NRG3: variants seen among roughly 807,000 people sequenced by gnomAD.
NRG3 encodes the protein pro-neuregulin-3, membrane-bound isoform.
A neutral mutation model predicts 66.9 loss-of-function variants in NRG3; 31 were observed. The observed-to-expected ratio is 0.46, with a 90% CI of 0.35 to 0.63. The LOEUF (loss-of-function observed/expected upper bound fraction) is 0.63. Ranked by LOEUF, NRG3 falls within the 20% of genes least tolerant of loss-of-function variation. The pLI is 0.00. For missense variants in NRG3, 910 were observed against 878.9 expected (o/e 1.04, Z -0.45); for synonymous variants, 393 against 359.4 (o/e 1.09, Z -1.06).
chr10:81,935,663 G>C (rs1847786464), intron 1 of NRG3, among the ~76,000 whole-genome samples: 1 of 152,052 alleles, frequency 6.6e-6, no homozygotes, highest in Admixed American at 6.6e-5. Context: ...CAGAAGGATT[G>C]AGCACTTTCT....
intron 1 of NRG3, among the ~76,000 whole-genome samples, chr10:81,984,587 T>G (rs763440250): frequency 2.6e-5 from 4 of 152,202 alleles, no homozygotes; most frequent in Non-Finnish European, 5.9e-5. Flanking sequence ...CCTCATGAGC[T>G]TCTGTCCTGT....
chr10:81,917,657 G>C (rs773541300), intron 1 of NRG3, among the ~76,000 whole-genome samples: 1 of 152,206 alleles, frequency 6.6e-6, no homozygotes, highest in Non-Finnish European at 1.5e-5. Context: ...AAATAGTCAT[G>C]TACTTGAAAT....
intron 2 of NRG3, among the ~76,000 whole-genome samples, chr10:82,650,743 T>A (rs910025897): frequency 1.3e-5 from 2 of 152,228 alleles, no homozygotes; most frequent in Admixed American, 6.5e-5. Context: ...AACTTCCACA[T>A]CATCACGTAA....
intron 4 of NRG3, among the ~76,000 whole-genome samples, chr10:82,886,309 A>G (rs1842721208): frequency 2.0e-5 from 3 of 152,104 alleles, no homozygotes; most frequent in Admixed American, 2.0e-4. Flanking sequence ...TATCTTTTAC[A>G]AAGGCACTTC....
intron 4 of NRG3, among the ~76,000 whole-genome samples, chr10:82,904,335 T>C (rs2131907274): frequency 6.6e-6 from 1 of 152,298 alleles, no homozygotes; most frequent in Non-Finnish European, 1.5e-5. Context: ...TAAGAGATGG[T>C]GGCATGGTAA....
chr10:81,913,519 G>C (rs890747518), intron 1 of NRG3, among the ~76,000 whole-genome samples: 1 of 151,886 alleles, frequency 6.6e-6, no homozygotes, highest in Non-Finnish European at 1.5e-5. Context: ...TGCCTCCCGG[G>C]TTCAAGTGAT....
chr10:82,047,435 G>T lies in NRG3; in HGVS notation c.823+171272G>T, dbSNP rs190716367. Among the ~76,000 whole-genome samples, 372 of 152,094 alleles carry T rather than the reference G, an allele frequency of 2.4e-3. 1 individual carries two copies. The highest frequency in any genetic ancestry group is 8.2e-3 in the African/African-American group (341 of 41,510). ...ACCTCTACAAGCCAGAAGAGAGTGG[G>T]GGACAATATTCAACATTCTTAAAGG... is the stretch of plus-strand genomic sequence containing the variant. On this transcript the variant is annotated intron_variant, in intron 1 of 8. Coordinates refer to ENST00000372141, the MANE Select transcript of NRG3 (RefSeq NM_001010848.4).
chr10:82,513,243 A>G (rs1460314278), intron 2 of NRG3, among the ~76,000 whole-genome samples: 3 of 152,274 alleles, frequency 2.0e-5, no homozygotes, highest in African/African-American at 7.2e-5. Flanking sequence ...TGCTGAGGAT[A>G]ATGGCTTCCA....
At chr10:82,272,932 C>G (rs1779234162) in intron 1 of NRG3, among the ~76,000 whole-genome samples, 1 of 151,988 alleles carries the variant, frequency 6.6e-6, no homozygotes, top group Non-Finnish European at 1.5e-5. Context: ...TAATTCGTTC[C>G]AGTTCTTGGG....
At position 81,975,351 on chromosome 10, in the gene NRG3, A is replaced by ATCTATCTG. The variant is rs1414053007; in HGVS notation, c.823+99195_823+99196insGTCTATCT. ...TATCTATCTATCTATCTATCTATCT[A>ATCTATCTG]TCTATCTATCTATCTATCTATCTAT... On this transcript the variant is annotated intron_variant, in intron 1 of 8. Coordinates refer to ENST00000372141, the MANE Select transcript of NRG3 (RefSeq NM_001010848.4). 3.3e-5 allele frequency among the ~76,000 whole-genome samples: 5 copies of ATCTATCTG among 151,862 alleles called. No homozygotes were observed. The South Asian group carries it at 1.0e-3, about 32-fold the overall frequency.
At chr10:82,237,132 C>A (rs2076794144) in intron 1 of NRG3, among the ~76,000 whole-genome samples, 1 of 152,200 alleles carries the variant, frequency 6.6e-6, no homozygotes, top group Non-Finnish European at 1.5e-5. Context: ...TACAGGCTGT[C>A]ATGGAGATGC....
chr10:82,293,929 T>C (rs2079892725), intron 1 of NRG3, among the ~76,000 whole-genome samples: 1 of 151,796 alleles, frequency 6.6e-6, no homozygotes, highest in Admixed American at 6.6e-5. Flanking sequence ...TTTTGCAATT[T>C]TTTTTTCTTT....
chr10:82,674,596 A>C (rs2053532824), intron 2 of NRG3, among the ~76,000 whole-genome samples: 1 of 152,108 alleles, frequency 6.6e-6, no homozygotes, highest in South Asian at 2.1e-4. Context: ...CTTATTGTCT[A>C]TCAGTCATTT....
rs148096348 is a variant in NRG3 at position 82,984,443 on chromosome 10, C to T, written c.1584-655C>T. On this transcript the variant is annotated intron_variant, in intron 8 of 8. Transcript: ENST00000372141. Reference sequence around the variant, plus strand: ...GTGGAACCCACTTCATATTCATCCCCAGGCAGGTAGAGGAATTGTTAGCCT... The same window carrying T: ...GTGGAACCCACTTCATATTCATCCCTAGGCAGGTAGAGGAATTGTTAGCCT... Among the ~76,000 whole-genome samples, 284 of 152,312 alleles carry T rather than the reference C, an allele frequency of 1.9e-3. 3 individuals carry two copies. Among genetic ancestry groups the T allele is most frequent in the African/African-American group, 6.6e-3 (273 of 41,568 alleles).
intron 6 of NRG3, among the ~76,000 whole-genome samples, chr10:82,965,022 G>T (rs1351318709): frequency 1.3e-5 from 2 of 152,182 alleles, no homozygotes; most frequent in Non-Finnish European, 2.9e-5. Flanking sequence ...GGGAGCATTT[G>T]CATTAGCCGG....
At chr10:82,548,558 C>G (rs1387082006) in intron 2 of NRG3, among the ~76,000 whole-genome samples, 1 of 150,046 alleles carries the variant, frequency 6.7e-6, no homozygotes, top group African/African-American at 2.5e-5. Context: ...CACACACACA[C>G]ACGCACACGC....
chr10:82,018,538 T>A (rs1782893833), intron 1 of NRG3, among the ~76,000 whole-genome samples: 1 of 152,188 alleles, frequency 6.6e-6, no homozygotes, highest in Non-Finnish European at 1.5e-5. Flanking sequence ...CATGGCCATT[T>A]TCATGATATT....
At chr10:82,086,452 A>G (rs1001922714) in intron 1 of NRG3, among the ~76,000 whole-genome samples, 1 of 152,026 alleles carries the variant, frequency 6.6e-6, no homozygotes, top group Middle Eastern at 3.4e-3. Flanking sequence ...GCCAAAGCTC[A>G]TGCAAAGCCA....
At position 82,970,251 on chromosome 10, in the gene NRG3, G is replaced by A. The variant is rs1021017394; in HGVS notation, c.1285-3537G>A. Among the ~76,000 whole-genome samples, 122 of 152,192 alleles carry A rather than the reference G, an allele frequency of 8.0e-4. 1 individual carries two copies. The highest frequency in any genetic ancestry group is 2.5e-4 in the Non-Finnish European group (17 of 68,008). On this transcript the variant is annotated intron_variant, in intron 6 of 8. Transcript: ENST00000372141. ...ATTTGCTCTTCAAGTTAGCACCACG[G>A]CTACTTTTCCAGGGCCTTTTCCTTT...
Sources: gnomAD v4.1 joint callset for allele counts (sites outside exome capture counted in the v4.1 genomes callset) on GRCh38, gnomAD v4.1.1 for gene constraint, MANE v1.5 for transcripts, NCBI Gene and HGNC (gene_info 2026-07-23, HGNC 2026-07-21) for gene names.